RALGAPA1: variants seen among roughly 807,000 people sequenced by gnomAD.
The protein encoded by RALGAPA1 is ral GTPase-activating protein subunit alpha-1.
A neutral mutation model predicts 269.6 loss-of-function variants in RALGAPA1; 52 were observed. That is an observed-to-expected ratio of 0.19 (90% CI 0.15 to 0.24). RALGAPA1 has a LOEUF of 0.24. RALGAPA1 is among the 10% of genes least tolerant of loss of function. The pLI is 1.00. For synonymous variants in RALGAPA1, 817 were observed against 1,008.3 expected (o/e 0.81, Z 3.60); for missense variants, 1,917 against 3,013.9 (o/e 0.64, Z 8.52).
chr14:35,801,171 A>G (rs1170329825), intron 1 of RALGAPA1, among the ~76,000 whole-genome samples: 1 of 151,984 alleles, frequency 6.6e-6, no homozygotes, highest in African/African-American at 2.4e-5. Flanking sequence ...TGATCAGGAA[A>G]AGAAAGACAA....
At chr14:35,606,511 A>C (rs1169104959) in intron 35 of RALGAPA1, among the ~76,000 whole-genome samples, 1 of 152,226 alleles carries the variant, frequency 6.6e-6, no homozygotes, top group Non-Finnish European at 1.5e-5. Context: ...ATAGTTATGC[A>C]GCTTGGTTTA....
intron 21 of RALGAPA1, among the ~76,000 whole-genome samples, chr14:35,682,392 C>T (rs958146875): frequency 3.3e-5 from 5 of 151,996 alleles, no homozygotes; most frequent in African/African-American, 4.8e-5. Flanking sequence ...GCTCTGCCTC[C>T]CGGGTTCATG....
At chr14:35,783,518 C>A (rs2075594392) in intron 1 of RALGAPA1, among the ~76,000 whole-genome samples, 1 of 152,042 alleles carries the variant, frequency 6.6e-6, no homozygotes, top group Admixed American at 6.5e-5. Context: ...TCAGTCAATT[C>A]TTTCTTAGAT....
chr14:35,554,348 T>C (rs986173759), intron 39 of RALGAPA1, among the ~76,000 whole-genome samples: 8 of 130,148 alleles, frequency 6.1e-5, no homozygotes, highest in Non-Finnish European at 1.3e-4. Flanking sequence ...CTTTTTTTTT[T>C]TTTTTTTTTT....
At chr14:35,555,071 G>T (rs145931813) in intron 39 of RALGAPA1, among the ~76,000 whole-genome samples, 3 of 152,226 alleles carry the variant, frequency 2.0e-5, no homozygotes, top group African/African-American at 4.8e-5. Flanking sequence ...TTTCTTGTGA[G>T]AAAGATTTTG....
At position 35,651,083 on chromosome 14, in the gene RALGAPA1, A is replaced by G. The variant is rs923798941; in HGVS notation, c.5676+722T>C. 7.2e-5 allele frequency among the ~76,000 whole-genome samples: 11 copies of G among 152,320 alleles called. No individual in the cohort carries two copies. The South Asian group carries it at 1.7e-3, about 23-fold the overall frequency. ...ATAATGTCAGGCATATAATTAAAAAATAGACATAATAACAGGAAAATGAAA... is the reference window on the plus strand; with the variant it reads ...ATAATGTCAGGCATATAATTAAAAAGTAGACATAATAACAGGAAAATGAAA... On this transcript the variant is annotated intron_variant, in intron 31 of 41. Coordinates refer to ENST00000680220, the MANE Select transcript of RALGAPA1 (RefSeq NM_001346249.2).
intron 36 of RALGAPA1, among the ~76,000 whole-genome samples, chr14:35,600,870 T>G (rs1184707342): frequency 2.0e-5 from 3 of 152,228 alleles, no homozygotes; most frequent in African/African-American, 7.2e-5. Flanking sequence ...GGATATGATG[T>G]GTAATTTTTT....
At chr14:35,602,108 A>G (rs567184501) in intron 36 of RALGAPA1, among the ~76,000 whole-genome samples, 21 of 152,302 alleles carry the variant, frequency 1.4e-4, no homozygotes, top group Admixed American at 1.2e-3. Flanking sequence ...ATTTAGCACA[A>G]TGTTTTCAAG....
intron 37 of RALGAPA1, among the ~76,000 whole-genome samples, chr14:35,587,409 C>T (rs1046418494): frequency 3.3e-5 from 5 of 152,170 alleles, no homozygotes; most frequent in African/African-American, 9.7e-5. Context: ...GCTGTAAAAA[C>T]ACATGCATAC....
intron 39 of RALGAPA1, among the ~76,000 whole-genome samples, chr14:35,562,743 C>T (rs570191939): frequency 2.2e-4 from 33 of 151,904 alleles, no homozygotes; most frequent in African/African-American, 7.5e-4. Context: ...AATCCATGGC[C>T]GGGCGTGGTG....
chr14:35,665,313 C>T (rs2063840894), intron 26 of RALGAPA1, among the ~76,000 whole-genome samples: 1 of 152,272 alleles, frequency 6.6e-6, no homozygotes. Flanking sequence ...AACTTTTCAT[C>T]TTTTTTCCTT....
chr14:35,593,422 T>C (rs2058749360), intron 37 of RALGAPA1, among the ~76,000 whole-genome samples: 1 of 152,116 alleles, frequency 6.6e-6, no homozygotes, highest in Non-Finnish European at 1.5e-5. Context: ...TATATAAATT[T>C]AATGGAATCC....
chr14:35,642,644 C>G (rs2062103133), intron 31 of RALGAPA1, among the ~76,000 whole-genome samples: 1 of 152,188 alleles, frequency 6.6e-6, no homozygotes, highest in African/African-American at 2.4e-5. Flanking sequence ...GAGATACCAT[C>G]TCACACCAGT....
chr14:35,659,745 C>T (rs2063417811), intron 27 of RALGAPA1, among the ~76,000 whole-genome samples: 1 of 151,756 alleles, frequency 6.6e-6, no homozygotes, highest in South Asian at 2.1e-4. Flanking sequence ...ACTAACAAAC[C>T]AAATTCATCA....
intron 39 of RALGAPA1, among the ~76,000 whole-genome samples, chr14:35,555,384 A>T (rs2139200104): frequency 6.6e-6 from 1 of 152,272 alleles, no homozygotes; most frequent in Non-Finnish European, 1.5e-5. Context: ...TTAAGTGGCC[A>T]TTTATAGAGA....
At chr14:35,544,118 A>G (rs983227899) in intron 41 of RALGAPA1, among the ~76,000 whole-genome samples, 3 of 152,232 alleles carry the variant, frequency 2.0e-5, no homozygotes, top group Admixed American at 6.5e-5. Context: ...TTGCATTTAT[A>G]TGGATAACAA....
rs374916901 is a variant in RALGAPA1, at chr14:35,589,322, A to G, written c.7209+6312T>C. Among the ~76,000 whole-genome samples, 41 of 152,306 alleles carry G rather than the reference A, an allele frequency of 2.7e-4. No homozygotes were observed. The East Asian group carries it at 5.8e-3, about 22-fold the overall frequency. ...AAATTTAAGTTAGGAGGAATGAGTT[A>G]AAGAGAGCTATTGTACAACATAATG... is the stretch of plus-strand genomic sequence containing the variant. On this transcript the variant is annotated intron_variant, in intron 37 of 41. Transcript: ENST00000680220.
chr14:35,769,561 T>C (rs1049797443), intron 4 of RALGAPA1, among the ~76,000 whole-genome samples: 6 of 152,010 alleles, frequency 3.9e-5, no homozygotes, highest in Admixed American at 1.3e-4. Context: ...CAAACCTGCA[T>C]ATGCATCCCC....
At chr14:35,753,298 AT>A (rs1392208366) in intron 7 of RALGAPA1, among the ~76,000 whole-genome samples, 2 of 152,232 alleles carry the variant, frequency 1.3e-5, no homozygotes, top group African/African-American at 4.8e-5. Flanking sequence ...ACAGGAATGC[AT>A]AAATCCGTCT....
Sources: gnomAD v4.1 joint callset for allele counts (sites outside exome capture counted in the v4.1 genomes callset) on GRCh38, gnomAD v4.1.1 for gene constraint, MANE v1.5 for transcripts, NCBI Gene and HGNC (gene_info 2026-07-23, HGNC 2026-07-21) for gene names.